The following LURAP1 variants were observed in gnomAD, a reference collection of about 807,000 sequenced individuals.
LURAP1 encodes leucine rich adaptor protein 1.
A neutral mutation model predicts 19.0 loss-of-function variants in LURAP1; 14 were observed. The observed-to-expected ratio is 0.74, with a 90% CI of 0.49 to 1.15. The LOEUF is 1.15. Ranked by LOEUF, LURAP1 falls within the 50% of genes most tolerant of loss-of-function variation. LURAP1 has a pLI of 0.00. For missense variants in LURAP1, 273 were observed against 309.1 expected (o/e 0.88, Z 0.87); for synonymous variants, 129 against 131.8 (o/e 0.98, Z 0.14).
intron 1 of LURAP1, among the ~76,000 whole-genome samples, chr1:46,210,053 T>C (rs1658845157): frequency 6.6e-6 from 1 of 152,164 alleles, no homozygotes; most frequent in Non-Finnish European, 1.5e-5. Context: ...GATATTGCAG[T>C]TATTTATGTT....
chr1:46,215,865 A>G (rs1030294729), intron 1 of LURAP1, among the ~76,000 whole-genome samples: 1 of 152,114 alleles, frequency 6.6e-6, no homozygotes, highest in African/African-American at 2.4e-5. Flanking sequence ...CCACCACTGC[A>G]CTCCAGCCTG....
chr1:46,206,909 A>T (rs973595546), intron 1 of LURAP1, among the ~76,000 whole-genome samples: 8 of 152,162 alleles, frequency 5.3e-5, no homozygotes, highest in Non-Finnish European at 1.0e-4. Context: ...CATTTCTAGT[A>T]CAGGATGATA....
Position 46,210,184 on chromosome 1 carries a change from A to T in LURAP1, c.198+6560A>T, listed in dbSNP as rs117979326. On this transcript the variant is annotated intron_variant, in intron 1 of 1. Transcript: ENST00000371980. ...TTTGTTCAATTGAATTAGAGTTGTG[A>T]TATTCTTCCAAAAACACAAATAATT... Among the ~76,000 whole-genome samples, 701 of 152,230 alleles carry T rather than the reference A, an allele frequency of 4.6e-3. 8 individuals carry two copies. The highest frequency in any genetic ancestry group is 0.029 in the East Asian group (149 of 5,186).
chr1:46,214,150 A>G (rs1658987650), intron 1 of LURAP1, among the ~76,000 whole-genome samples: 1 of 152,176 alleles, frequency 6.6e-6, no homozygotes, highest in Non-Finnish European at 1.5e-5. Flanking sequence ...ATTTGAGACC[A>G]GCCTGGCCAA....
chr1:46,203,746 G>A, intron 1 of LURAP1, 122 bp downstream of exon 1: 2 of 918,184 alleles, frequency 2.2e-6, no homozygotes, highest in Non-Finnish European at 3.1e-6. Flanking sequence ...TAACTGCTCA[G>A]AATCCCTCCC....
chr1:46,210,959 T>A (rs1042077243), intron 1 of LURAP1, among the ~76,000 whole-genome samples: 3 of 150,738 alleles, frequency 2.0e-5, no homozygotes, highest in Admixed American at 2.0e-4. Flanking sequence ...TTTTTTTTTT[T>A]GGTAGAGACA....
At chr1:46,204,015 C>T (rs764245276) in intron 1 of LURAP1, among the ~76,000 whole-genome samples, 13 of 152,188 alleles carry the variant, frequency 8.5e-5, no homozygotes, top group Non-Finnish European at 1.5e-4. Flanking sequence ...TTTTCTCCTT[C>T]TGCTAACCGG....
At chr1:46,215,087 G>A (rs1356530767) in intron 1 of LURAP1, among the ~76,000 whole-genome samples, 3 of 151,880 alleles carry the variant, frequency 2.0e-5, no homozygotes, top group Admixed American at 6.6e-5. Flanking sequence ...TTAGCCGGGT[G>A]TGGTGGTGGG....
intron 1 of LURAP1, among the ~76,000 whole-genome samples, chr1:46,217,003 A>G (rs1184313967): frequency 6.6e-6 from 1 of 152,238 alleles, no homozygotes; most frequent in Non-Finnish European, 1.5e-5. Flanking sequence ...ATAACATTTT[A>G]AAACATGCAA....
At chr1:46,215,113 C>T (rs1659024384) in intron 1 of LURAP1, among the ~76,000 whole-genome samples, 1 of 151,046 alleles carries the variant, frequency 6.6e-6, no homozygotes, top group Non-Finnish European at 1.5e-5. Flanking sequence ...GTAGTCCCAG[C>T]TGCTTGGGAG....
At chr1:46,209,806 C>T (rs897605529) in intron 1 of LURAP1, among the ~76,000 whole-genome samples, 13 of 151,340 alleles carry the variant, frequency 8.6e-5, no homozygotes, top group African/African-American at 2.7e-4. Context: ...CCACCATGCA[C>T]GGCTGTAGAT....
Position 46,207,547 on chromosome 1 carries a change from T to C in LURAP1, c.198+3923T>C, listed in dbSNP as rs567000251. On this transcript the variant is annotated intron_variant, in intron 1 of 1. Coordinates refer to ENST00000371980, the MANE Select transcript of LURAP1 (RefSeq NM_001013615.3). Reference sequence around the variant, plus strand: ...ACTTTTCTTTCTTTCTTTCTTTCTTTTTTTTTTTTGAGATGGAGTCTCGCT... The same window carrying C: ...ACTTTTCTTTCTTTCTTTCTTTCTTCTTTTTTTTTGAGATGGAGTCTCGCT... Among the ~76,000 whole-genome samples the C allele has an allele frequency of 8.6e-5, 13 of 151,798 alleles. No homozygotes were observed. In the South Asian group the frequency reaches 2.7e-3, roughly 32 times the overall value.
At chr1:46,217,781 C>G (rs1659112917) in intron 1 of LURAP1, among the ~76,000 whole-genome samples, 1 of 152,100 alleles carries the variant, frequency 6.6e-6, no homozygotes, top group Non-Finnish European at 1.5e-5. Context: ...CGCTTGAACC[C>G]TGGAGGCGGA....
chr1:46,205,804 T>C (rs1239348509), intron 1 of LURAP1, among the ~76,000 whole-genome samples: 1 of 152,244 alleles, frequency 6.6e-6, no homozygotes, highest in Admixed American at 6.5e-5. Flanking sequence ...CTTCTTGTGC[T>C]CTGCCCTGCC....
intron 1 of LURAP1, among the ~76,000 whole-genome samples, chr1:46,212,722 A>G (rs1021585516): frequency 5.3e-5 from 8 of 152,074 alleles, no homozygotes; most frequent in Admixed American, 5.2e-4. Flanking sequence ...GATTACAGGC[A>G]AGAGCCACCA....
At chr1:46,205,400 C>T (rs1285238390) in intron 1 of LURAP1, among the ~76,000 whole-genome samples, 1 of 152,210 alleles carries the variant, frequency 6.6e-6, no homozygotes, top group East Asian at 1.9e-4. Flanking sequence ...GAACCCAGAT[C>T]ATCTGACTGC....
chr1:46,205,736 G>C (rs1395456681), intron 1 of LURAP1, among the ~76,000 whole-genome samples: 1 of 152,236 alleles, frequency 6.6e-6, no homozygotes, highest in African/African-American at 2.4e-5. Flanking sequence ...AGAATGAGGA[G>C]AGATCCCCAT....
intron 1 of LURAP1, among the ~76,000 whole-genome samples, chr1:46,218,305 G>A (rs1192605528): frequency 1.3e-5 from 2 of 152,338 alleles, no homozygotes; most frequent in East Asian, 3.9e-4. Context: ...AGAATCGCTT[G>A]AGACCAGGAG....
chr1:46,204,011 CCTT>C (rs1229728103), intron 1 of LURAP1, among the ~76,000 whole-genome samples: 2 of 152,160 alleles, frequency 1.3e-5, no homozygotes, highest in East Asian at 1.9e-4. Context: ...GGTTTTTTCT[CCTT>C]CTGCTAACCG....
Sources: gnomAD v4.1 joint callset for allele counts (sites outside exome capture counted in the v4.1 genomes callset) on GRCh38, gnomAD v4.1.1 for gene constraint, MANE v1.5 for transcripts, NCBI Gene and HGNC (gene_info 2026-07-23, HGNC 2026-07-21) for gene names.